ASIC2: variants seen among roughly 807,000 people sequenced by gnomAD.
ASIC2 encodes the protein acid-sensing ion channel 2.
Under a neutral mutation model 57.3 loss-of-function variants are expected in ASIC2, and 25 were observed. The observed-to-expected ratio is 0.44, with a 90% CI of 0.32 to 0.61. ASIC2 has a LOEUF of 0.61. Ranked by LOEUF, ASIC2 falls within the 20% of genes least tolerant of loss-of-function variation. The pLI is 0.06. For synonymous variants in ASIC2, 319 were observed against 307.5 expected, an observed-to-expected ratio of 1.04 and a Z score of -0.39; for missense variants, 641 against 738.1, an observed-to-expected ratio of 0.87 and a Z score of 1.52.
intron 1 of ASIC2, among the ~76,000 whole-genome samples, chr17:33,358,162 G>C (rs979052489): frequency 2.0e-5 from 3 of 152,180 alleles, no homozygotes; most frequent in Non-Finnish European, 4.4e-5. Context: ...AAATCAAAAG[G>C]ATAATTGTAT....
intron 3 of ASIC2, among the ~76,000 whole-genome samples, chr17:33,077,070 C>G (rs1438834366): frequency 6.6e-6 from 1 of 152,024 alleles, no homozygotes; most frequent in Non-Finnish European, 1.5e-5. Flanking sequence ...CAACAGCTGT[C>G]CCAGCTGCCC....
intron 1 of ASIC2, among the ~76,000 whole-genome samples, chr17:33,853,331 C>T (rs1311891567): frequency 6.6e-6 from 1 of 152,202 alleles, no homozygotes; most frequent in Non-Finnish European, 1.5e-5. Context: ...AGAAAGGGCT[C>T]ACCCGGCCTG....
intron 1 of ASIC2, among the ~76,000 whole-genome samples, chr17:33,643,381 ACTT>A (rs1162136332): frequency 3.9e-5 from 6 of 152,290 alleles, no homozygotes; most frequent in Admixed American, 1.3e-4. Flanking sequence ...GTGTTATTTT[ACTT>A]CTTCTCCTTT....
rs35541895 is a variant in ASIC2 at position 33,956,193 on chromosome 17, A to G, written c.555+199785T>C. 7.2e-3 allele frequency among the ~76,000 whole-genome samples: 1,101 copies of G among 152,344 alleles called. 19 individuals carry two copies. Among genetic ancestry groups the G allele is most frequent in the African/African-American group, 0.025 (1,050 of 41,578 alleles). ...GGAATGCTTGGGCAGTGATCCAAGC[A>G]GGAGAGTCAATAGGAGCGGGAGCGC... On this transcript the variant is annotated intron_variant, in intron 1 of 9. Transcript: ENST00000359872.
At chr17:33,845,534 G>T (rs1482917003) in intron 1 of ASIC2, among the ~76,000 whole-genome samples, 4 of 152,080 alleles carry the variant, frequency 2.6e-5, no homozygotes, top group African/African-American at 7.2e-5. Flanking sequence ...CTACATAATT[G>T]TATGACTTTA....
chr17:33,416,730 G>A (rs1333493406), intron 1 of ASIC2, among the ~76,000 whole-genome samples: 7 of 152,188 alleles, frequency 4.6e-5, no homozygotes, highest in Non-Finnish European at 8.8e-5. Flanking sequence ...TGACTCTAGG[G>A]GACCTAGGTT....
At chr17:33,786,364 T>C (rs1034329472) in intron 1 of ASIC2, among the ~76,000 whole-genome samples, 1 of 151,916 alleles carries the variant, frequency 6.6e-6, no homozygotes, top group Non-Finnish European at 1.5e-5. Flanking sequence ...CAAGTACAAG[T>C]CGAGATTCCC....
At chr17:33,870,480 G>A (rs774465940) in intron 1 of ASIC2, among the ~76,000 whole-genome samples, 9 of 151,912 alleles carry the variant, frequency 5.9e-5, no homozygotes, top group Non-Finnish European at 8.8e-5. Context: ...GCATTTAGAG[G>A]GTAGGACAAA....
chr17:33,257,665 C>G (rs963384184), intron 1 of ASIC2, among the ~76,000 whole-genome samples: 2 of 152,208 alleles, frequency 1.3e-5, no homozygotes, highest in African/African-American at 4.8e-5. Context: ...TGCACACAAC[C>G]TAGCCCTTCC....
intron 1 of ASIC2, among the ~76,000 whole-genome samples, chr17:33,762,990 G>C (rs1910831122): frequency 6.6e-6 from 1 of 152,170 alleles, no homozygotes; most frequent in Non-Finnish European, 1.5e-5. Flanking sequence ...GCAATGACAA[G>C]ATCCCTGAAT....
chr17:33,825,800 G>A (rs921033814), intron 1 of ASIC2, among the ~76,000 whole-genome samples: 1 of 152,148 alleles, frequency 6.6e-6, no homozygotes, highest in Non-Finnish European at 1.5e-5. Context: ...AAAAGAAGCT[G>A]TATCCAAATT....
At chr17:33,179,494 G>A (rs529997151) in intron 1 of ASIC2, among the ~76,000 whole-genome samples, 5 of 152,254 alleles carry the variant, frequency 3.3e-5, no homozygotes, top group East Asian at 1.9e-4. Context: ...GCAGGCTTTT[G>A]TTCATCCTCA....
chr17:33,259,469 C>T (rs951510237), intron 1 of ASIC2, among the ~76,000 whole-genome samples: 5 of 152,050 alleles, frequency 3.3e-5, no homozygotes, highest in Non-Finnish European at 7.4e-5. Flanking sequence ...GGCCAAAGCA[C>T]CTCCCACCGC....
At chr17:33,327,900 T>A (rs950574115) in intron 1 of ASIC2, among the ~76,000 whole-genome samples, 6 of 152,110 alleles carry the variant, frequency 3.9e-5, no homozygotes, top group Non-Finnish European at 7.4e-5. Flanking sequence ...GGCTTGGAGA[T>A]ACACAGCATA....
intron 4 of ASIC2, among the ~76,000 whole-genome samples, chr17:33,027,294 C>T (rs1250935281): frequency 6.6e-6 from 1 of 152,066 alleles, no homozygotes; most frequent in Non-Finnish European, 1.5e-5. Flanking sequence ...AGATTTGGGC[C>T]CACCTTTCAG....
intron 1 of ASIC2, chr17:34,039,408 T>C: frequency 6.2e-7 from 1 of 1,613,862 alleles, no homozygotes; most frequent in South Asian, 1.1e-5. Context: ...GCCGAGGTTT[T>C]GCTAGCATCA....
intron 1 of ASIC2, among the ~76,000 whole-genome samples, chr17:33,236,955 T>G (rs542354087): frequency 1.1e-3 from 174 of 152,250 alleles, no homozygotes; most frequent in Non-Finnish European, 1.7e-3. Context: ...ATTTCTGTTG[T>G]TTGAAGCCAC....
At chr17:33,914,003 A>G (rs939292966) in intron 1 of ASIC2, among the ~76,000 whole-genome samples, 3 of 152,226 alleles carry the variant, frequency 2.0e-5, no homozygotes, top group Non-Finnish European at 2.9e-5. Context: ...AGCCAAGCTT[A>G]CTTACTAAAC....
chr17:34,061,754 G>A (rs1364958287), intron 1 of ASIC2, among the ~76,000 whole-genome samples: 1 of 123,952 alleles, frequency 8.1e-6, no homozygotes, highest in Non-Finnish European at 2.0e-5. Context: ...AATCTTTGAA[G>A]CAACAGCAGT....
Sources: allele counts gnomAD v4.1 joint callset (sites outside exome capture counted in the v4.1 genomes callset), GRCh38; gene constraint gnomAD v4.1.1; transcripts MANE v1.5; gene names NCBI Gene and HGNC (gene_info 2026-07-23, HGNC 2026-07-21).